Variants in RAPGEF2 observed in about 807,000 individuals in gnomAD.
RAPGEF2 encodes the protein Rap guanine nucleotide exchange factor 2, also known as PDZ domain containing guanine nucleotide exchange factor (GEF) 1.
A neutral mutation model predicts 186.7 loss-of-function variants in RAPGEF2; 54 were observed. That is an observed-to-expected ratio of 0.29 (90% CI 0.23 to 0.36). RAPGEF2 has a LOEUF of 0.36. Ranked by LOEUF, RAPGEF2 falls within the 10% of genes least tolerant of loss-of-function variation. The pLI, the probability that RAPGEF2 is intolerant of heterozygous loss-of-function variation, is 1.00. For synonymous variants in RAPGEF2, 712 were observed against 705.9 expected (o/e 1.01, Z -0.14); for missense variants, 1,532 against 2,045.0 (o/e 0.75, Z 4.84).
At chr4:159,334,583 A>G (rs1767141314) in intron 17 of RAPGEF2, among the ~76,000 whole-genome samples, 1 of 152,206 alleles carries the variant, frequency 6.6e-6, no homozygotes, top group Non-Finnish European at 1.5e-5. Flanking sequence ...CAATAACAAA[A>G]AAAGATCTTA....
intron 1 of RAPGEF2, among the ~76,000 whole-genome samples, chr4:159,183,535 C>T (rs1450667621): frequency 6.6e-6 from 1 of 152,100 alleles, no homozygotes; most frequent in Non-Finnish European, 1.5e-5. Flanking sequence ...TCTAAAAGCT[C>T]ATGCAACAAA....
intron 22 of RAPGEF2, among the ~76,000 whole-genome samples, chr4:159,343,616 T>A (rs916391026): frequency 4.6e-5 from 7 of 152,242 alleles, no homozygotes; most frequent in African/African-American, 1.7e-4. Flanking sequence ...AAAAACAGTT[T>A]GTCTTTCAGA....
intron 3 of RAPGEF2, among the ~76,000 whole-genome samples, chr4:159,202,702 A>G (rs1380828494): frequency 6.6e-6 from 1 of 152,068 alleles, no homozygotes; most frequent in African/African-American, 2.4e-5. Context: ...CCTGGGTTCA[A>G]GCGATTCTCT....
chr4:159,338,488 CT>C lies in RAPGEF2; in HGVS notation c.2293+24del. ...CTCCTGGTGAGTATCACCAACACTT[CT>C]TTTGTTTTCTTATAGTTATCTTTTT... On this transcript the variant is annotated intron_variant, in intron 18 of 29. Coordinates refer to ENST00000691494, the MANE Select transcript of RAPGEF2 (RefSeq NM_001394067.2). 1 of 1,585,214 alleles carries C rather than the reference CT, an allele frequency of 6.3e-7. No individual in the cohort carries two copies.
At chr4:159,126,234 T>C (rs773150541) in intron 1 of RAPGEF2, among the ~76,000 whole-genome samples, 1 of 152,194 alleles carries the variant, frequency 6.6e-6, no homozygotes, top group Non-Finnish European at 1.5e-5. Context: ...TAGTTGTGAT[T>C]TTTATTTTTT....
rs149228626 is a variant in RAPGEF2 at position 159,312,977 on chromosome 4, G to A, written c.676-1614G>A. ...GGCCAAGCCAACATGATGAAATCCC[G>A]TCTCTACTAAGAGTACAAAAATTAG... On this transcript the variant is annotated intron_variant, in intron 8 of 29. Coordinates refer to ENST00000691494, the MANE Select transcript of RAPGEF2 (RefSeq NM_001394067.2). Among the ~76,000 whole-genome samples, 704 of 152,064 alleles carry A rather than the reference G, an allele frequency of 4.6e-3. 11 individuals are homozygous for A. Among genetic ancestry groups the A allele is most frequent in the African/African-American group, 0.016 (666 of 41,474 alleles).
intron 3 of RAPGEF2, among the ~76,000 whole-genome samples, chr4:159,198,280 T>C (rs1188849596): frequency 1.6e-4 from 1 of 6,288 alleles, no homozygotes; most frequent in Non-Finnish European, 3.0e-4. Flanking sequence ...CCTTCTTTCT[T>C]TCTTTCTTTC....
At chr4:159,356,438 T>C (rs1003927436) in intron 29 of RAPGEF2, among the ~76,000 whole-genome samples, 1 of 152,124 alleles carries the variant, frequency 6.6e-6, no homozygotes, top group African/African-American at 2.4e-5. Flanking sequence ...CTTCTCCAAT[T>C]CTCACTAAAA....
Position 159,345,097 on chromosome 4 carries a change from A to G in RAPGEF2, c.3279-9A>G, listed in dbSNP as rs1234697262. Reference sequence around the variant, plus strand: ...GAGTGAGCTGCATATGTACCTTTTCATCTTCCAGGTCTCTCAGCCAGGGTA... The same window carrying G: ...GAGTGAGCTGCATATGTACCTTTTCGTCTTCCAGGTCTCTCAGCCAGGGTA... On this transcript the variant is annotated splice_polypyrimidine_tract_variant and intron_variant, in intron 23 of 29. Transcript: ENST00000691494. 6.2e-7 allele frequency: 1 copy of G among 1,609,372 alleles called. No individual in the cohort carries two copies. Among genetic ancestry groups the G allele is most frequent in the South Asian group, 1.1e-5 (1 of 90,918 alleles).
chr4:159,355,896 C>CCCCCCAAAA lies in RAPGEF2; in HGVS notation c.4695_4696insCCCCCAAAA (p.Pro1565_Gly1566insProProLys). On this transcript the variant is annotated inframe_insertion, in exon 29 of 30. Coordinates refer to ENST00000691494, the MANE Select transcript of RAPGEF2 (RefSeq NM_001394067.2). ...ATCGAGAGCCCCCGCCCACCCCTCC[C>CCCCCCAAAA]GGCTACATTGGAATTCCCATTACTG... The CCCCCCAAAA allele has an allele frequency of 6.4e-7, 1 of 1,555,904 alleles. No homozygotes were observed. The highest frequency in any genetic ancestry group is 8.7e-7 in the Non-Finnish European group (1 of 1,149,404).
intron 17 of RAPGEF2, among the ~76,000 whole-genome samples, chr4:159,333,959 A>G (rs1488409118): frequency 6.6e-6 from 1 of 152,240 alleles, no homozygotes; most frequent in Non-Finnish European, 1.5e-5. Context: ...TCCACAGATT[A>G]GAGAAATGTG....
chr4:159,214,834 G>T (rs1011605427), intron 4 of RAPGEF2, among the ~76,000 whole-genome samples: 2 of 152,118 alleles, frequency 1.3e-5, no homozygotes, highest in Admixed American at 1.3e-4. Flanking sequence ...AAACCTATTT[G>T]CAAAAGGAGA....
intron 25 of RAPGEF2, among the ~76,000 whole-genome samples, chr4:159,348,258 G>A (rs1268406708): frequency 1.4e-5 from 2 of 146,902 alleles, no homozygotes; most frequent in African/African-American, 5.4e-5. Flanking sequence ...ATGGATGGAT[G>A]GATGGATGGA....
intron 4 of RAPGEF2, among the ~76,000 whole-genome samples, chr4:159,224,419 A>G (rs996314848): frequency 2.0e-5 from 3 of 152,212 alleles, no homozygotes; most frequent in Non-Finnish European, 4.4e-5. Context: ...CAGTATATAG[A>G]AAAGACTTTA....
intron 2 of RAPGEF2, among the ~76,000 whole-genome samples, chr4:159,188,663 CA>C (rs58081505): frequency 1.8e-3 from 153 of 84,830 alleles, no homozygotes; most frequent in Admixed American, 2.2e-3. Context: ...GACTACATCT[CA>C]AAAAAAAAAA....
At chr4:159,252,131 C>G (rs890486348) in intron 7 of RAPGEF2, among the ~76,000 whole-genome samples, 7 of 152,152 alleles carry the variant, frequency 4.6e-5, no homozygotes, top group African/African-American at 9.7e-5. Flanking sequence ...CCCACCAATT[C>G]CGGAGACACA....
In RAPGEF2 at chr4:159,322,638, G is replaced by A. The variant is rs1227310432; in HGVS notation, c.990+155G>A. On this transcript the variant is annotated intron_variant, in intron 10 of 29. Coordinates refer to ENST00000691494, the MANE Select transcript of RAPGEF2 (RefSeq NM_001394067.2). The stretch of plus-strand genomic sequence containing the variant: ...ATTATGGTACACCTGTTATGTCACT[G>A]TATTAGTCCATTTTCACACTGCTGA... Among the ~76,000 whole-genome samples the A allele has an allele frequency of 2.6e-5, 4 of 152,296 alleles. 1 individual carries two copies. The South Asian group carries it at 6.2e-4, about 24-fold the overall frequency.
chr4:159,164,748 A>G (rs1213408229), intron 1 of RAPGEF2, among the ~76,000 whole-genome samples: 3 of 152,236 alleles, frequency 2.0e-5, no homozygotes, highest in Admixed American at 2.0e-4. Context: ...TTGATAGTTT[A>G]TATTACTAAG....
At chr4:159,341,171 A>ATAAGGAAAC (rs1307055909) in intron 19 of RAPGEF2, among the ~76,000 whole-genome samples, 1 of 152,234 alleles carries the variant, frequency 6.6e-6, no homozygotes, top group Non-Finnish European at 1.5e-5. Context: ...AATAAGGAAA[A>ATAAGGAAAC]TAAGAGTGAT....
Sources: gnomAD v4.1 joint callset for allele counts (sites outside exome capture counted in the v4.1 genomes callset) on GRCh38, gnomAD v4.1.1 for gene constraint, MANE v1.5 for transcripts, NCBI Gene and HGNC (gene_info 2026-07-23, HGNC 2026-07-21) for gene names.